Variants in GRIN2A observed in about 807,000 individuals in gnomAD.
GRIN2A encodes the protein glutamate ionotropic receptor NMDA type subunit 2A.
GRIN2A carries 22 observed loss-of-function variants against 113.4 expected under a neutral mutation model. The ratio of observed to expected loss-of-function variants is 0.19; its 90% CI spans 0.14 to 0.28. The LOEUF (loss-of-function observed/expected upper bound fraction) is 0.28. Among genes scored for constraint, GRIN2A ranks in the 10% least tolerant of loss-of-function variants. The probability of loss-of-function intolerance (pLI) is 1.00; values close to 1 mark genes in which losing one functional copy is unlikely to be tolerated. For missense variants in GRIN2A, 1,502 were observed against 1,887.0 expected, an observed-to-expected ratio of 0.80 and a Z score of 3.78; for synonymous variants, 827 against 738.4, an observed-to-expected ratio of 1.12 and a Z score of -1.94.
At chr16:10,148,033 T>C (rs548198109) in intron 2 of GRIN2A, among the ~76,000 whole-genome samples, 1 of 152,296 alleles carries the variant, frequency 6.6e-6, no homozygotes, top group South Asian at 2.1e-4. Flanking sequence ...TTCCTGAGCT[T>C]CCCACTGCCC....
intron 3 of GRIN2A, among the ~76,000 whole-genome samples, chr16:9,905,886 G>A (rs918137139): frequency 1.3e-5 from 2 of 152,164 alleles, no homozygotes; most frequent in Admixed American, 6.5e-5. Flanking sequence ...CTCCTTCGTC[G>A]AGGAATGTTG....
intron 2 of GRIN2A, among the ~76,000 whole-genome samples, chr16:9,958,911 G>C (rs2045368685): frequency 1.3e-5 from 2 of 152,160 alleles, no homozygotes; most frequent in Non-Finnish European, 2.9e-5. Context: ...GTGAATATTT[G>C]TTAGATAAAT....
intron 2 of GRIN2A, among the ~76,000 whole-genome samples, chr16:9,979,987 T>C (rs72772167): frequency 0.091 from 13,736 of 151,462 alleles, 746 homozygotes; most frequent in Non-Finnish European, 0.11. Flanking sequence ...AGTCCAGACA[T>C]GGTAGCTCAG....
chr16:10,015,416 C>G (rs1240090978), intron 2 of GRIN2A, among the ~76,000 whole-genome samples: 3 of 151,866 alleles, frequency 2.0e-5, no homozygotes, highest in African/African-American at 7.3e-5. Context: ...GTACAGAGAC[C>G]TGTGGCCTAC....
chr16:10,104,288 G>C (rs950952116), intron 2 of GRIN2A, among the ~76,000 whole-genome samples: 3 of 152,204 alleles, frequency 2.0e-5, no homozygotes, highest in Non-Finnish European at 4.4e-5. Context: ...AAAGAGAAAA[G>C]TGGATGGATA....
intron 10 of GRIN2A, among the ~76,000 whole-genome samples, chr16:9,818,493 A>C (rs929733355): frequency 6.0e-5 from 9 of 149,482 alleles, no homozygotes; most frequent in Admixed American, 6.0e-4. Flanking sequence ...ATCTGCATGG[A>C]AAAAAAAAAG....
chr16:10,051,253 C>T (rs1039837224), intron 2 of GRIN2A, among the ~76,000 whole-genome samples: 3 of 152,226 alleles, frequency 2.0e-5, no homozygotes, highest in Admixed American at 6.5e-5. Context: ...TACTTTGGGA[C>T]TGTTTTTCCT....
At chr16:9,775,049 A>G (rs992146072) in intron 11 of GRIN2A, among the ~76,000 whole-genome samples, 1 of 152,222 alleles carries the variant, frequency 6.6e-6, no homozygotes, top group Non-Finnish European at 1.5e-5. Context: ...AATGGATTTT[A>G]TAGCAAGCAA....
intron 2 of GRIN2A, chr16:10,179,725 C>T (rs547986839): frequency 4.8e-5 from 25 of 521,830 alleles, no homozygotes; most frequent in African/African-American, 4.0e-4. Context: ...CACCCCACAG[C>T]CTACTTCTCA....
At chr16:10,179,893 C>CCCCAACCA in intron 2 of GRIN2A, 105 bp downstream of exon 2, 1 of 719,818 alleles carries the variant, frequency 1.4e-6, no homozygotes, top group Non-Finnish European at 2.4e-6. Flanking sequence ...CCCCCACCCC[C>CCCCAACCA]ACTTCACATC....
chr16:9,951,047 G>A (rs929233209), intron 2 of GRIN2A, among the ~76,000 whole-genome samples: 1 of 152,000 alleles, frequency 6.6e-6, no homozygotes, highest in African/African-American at 2.4e-5. Context: ...CCTCCTTATC[G>A]GTGCTTAACC....
At chr16:9,768,717 T>C in intron 12 of GRIN2A, 134 bp downstream of exon 12, 1 of 772,842 alleles carries the variant, frequency 1.3e-6, no homozygotes, top group Non-Finnish European at 2.4e-6. Flanking sequence ...ATGCACAAAA[T>C]CTGGATGCTC....
intron 3 of GRIN2A, among the ~76,000 whole-genome samples, chr16:9,907,913 C>A (rs1040543530): frequency 6.6e-6 from 1 of 152,162 alleles, no homozygotes; most frequent in Non-Finnish European, 1.5e-5. Flanking sequence ...ATGTCTGAGC[C>A]CTCGCTGCGT....
At chr16:9,789,895 G>C (rs1039601417) in intron 11 of GRIN2A, among the ~76,000 whole-genome samples, 1 of 152,228 alleles carries the variant, frequency 6.6e-6, no homozygotes, top group African/African-American at 2.4e-5. Flanking sequence ...GAAGAGGTTT[G>C]CATGGAAGAA....
intron 2 of GRIN2A, among the ~76,000 whole-genome samples, chr16:10,151,365 A>G (rs986917385): frequency 1.3e-5 from 2 of 152,174 alleles, no homozygotes; most frequent in African/African-American, 2.4e-5. Context: ...TGACATTGCC[A>G]GTTAGGTGGG....
At chr16:9,873,302 C>G (rs1205009547) in intron 4 of GRIN2A, among the ~76,000 whole-genome samples, 2 of 152,130 alleles carry the variant, frequency 1.3e-5, no homozygotes, top group African/African-American at 4.8e-5. Flanking sequence ...ACTATACAAT[C>G]TATGCATGTA....
At chr16:10,097,074 A>G (rs2048308839) in intron 2 of GRIN2A, among the ~76,000 whole-genome samples, 2 of 152,318 alleles carry the variant, frequency 1.3e-5, no homozygotes, top group Admixed American at 6.5e-5. Flanking sequence ...TTCTGAAAAC[A>G]TCAGGGAAAA....
intron 11 of GRIN2A, among the ~76,000 whole-genome samples, chr16:9,776,720 G>A (rs1015459431): frequency 1.3e-5 from 2 of 152,028 alleles, no homozygotes; most frequent in African/African-American, 2.4e-5. Context: ...TGTGAACACC[G>A]AGAGGGTAAC....
intron 2 of GRIN2A, among the ~76,000 whole-genome samples, chr16:9,982,600 T>C (rs889218820): frequency 3.9e-5 from 6 of 152,230 alleles, no homozygotes; most frequent in African/African-American, 1.4e-4. Context: ...CTCCAAGGGT[T>C]ACCAATTAGT....
Sources: gnomAD v4.1 joint callset for allele counts (sites outside exome capture counted in the v4.1 genomes callset) on GRCh38, gnomAD v4.1.1 for gene constraint, MANE v1.5 for transcripts, NCBI Gene and HGNC (gene_info 2026-07-23, HGNC 2026-07-21) for gene names.